HIPK2: variants seen among roughly 807,000 people sequenced by gnomAD.
The protein encoded by HIPK2 is homeodomain-interacting protein kinase 2.
Under a neutral mutation model 113.7 loss-of-function variants are expected in HIPK2, and 27 were observed. That is an observed-to-expected ratio of 0.24 (90% CI 0.17 to 0.33). The LOEUF is 0.33. Among genes scored for constraint, HIPK2 ranks in the 10% least tolerant of loss-of-function variants. The pLI is 1.00. For synonymous variants in HIPK2, 631 were observed against 642.2 expected (o/e 0.98, Z 0.26); for missense variants, 1,257 against 1,588.0 (o/e 0.79, Z 3.54).
rs569799591 is a variant in HIPK2, at chr7:139,761,490, A to T, written c.19+16115T>A. The stretch of plus-strand genomic sequence containing the variant: ...CACTGAATTAGCTCTGGTGAGATCT[A>T]GTCAAAAACAACTTGAATCCTGCAA... On this transcript the variant is annotated intron_variant, in intron 1 of 14. Transcript: ENST00000406875. Among the ~76,000 whole-genome samples, 5 of 152,344 alleles carry T rather than the reference A, an allele frequency of 3.3e-5. No individual in the cohort carries two copies. In the East Asian group the frequency reaches 9.6e-4, roughly 29 times the overall value.
At position 139,631,700 on chromosome 7, in the gene HIPK2, G is replaced by A; in HGVS notation, c.1129C>T (p.Pro377Ser). 1.9e-6 allele frequency: 3 copies of A among 1,613,908 alleles called. No individual in the cohort carries two copies. Among genetic ancestry groups the A allele is most frequent in the Non-Finnish European group, 2.5e-6 (3 of 1,179,826 alleles). Residue 377 changes from proline to serine, a missense_variant, in exon 3 of 15, where the codon CCA (proline) becomes TCA (serine). Transcript: ENST00000406875. The surrounding 1 kb of genome is among the most constrained non-coding windows in gnomAD (Gnocchi z 4.9). ...CACATGTCAATTGCCTCACAAAATG[G>A]TAAACCAAGGATGATCTCAGGGGCC... Reference protein sequence around the residue: ...YRAPEIILGLPFCEAIDMWSL... With the variant: ...YRAPEIILGLSFCEAIDMWSL...
intron 2 of HIPK2, among the ~76,000 whole-genome samples, chr7:139,639,892 T>C (rs1214910327): frequency 6.6e-6 from 1 of 152,198 alleles, no homozygotes; most frequent in East Asian, 1.9e-4. Context: ...TTTCAGAGTT[T>C]ACATGGTTTT....
rs369703798 is a variant in HIPK2, at chr7:139,661,177, C to T, written c.1104-29452G>A. Among the ~76,000 whole-genome samples, 4 of 152,320 alleles carry T rather than the reference C, an allele frequency of 2.6e-5. No individual in the cohort carries two copies. In the South Asian group the frequency reaches 8.3e-4, roughly 32 times the overall value. On this transcript the variant is annotated intron_variant, in intron 2 of 14. Transcript: ENST00000406875. The stretch of plus-strand genomic sequence containing the variant: ...CTTAAAAATCCTCATTATTTAACAA[C>T]CAGCTCCTGCAAGCTGGTATGAACT...
In HIPK2 at chr7:139,596,044, G is replaced by T. The variant is rs188557690; in HGVS notation, c.2717+673C>A. Among the ~76,000 whole-genome samples, 3 of 152,300 alleles carry T rather than the reference G, an allele frequency of 2.0e-5. No homozygotes were observed. In the East Asian group the frequency reaches 5.8e-4, roughly 29 times the overall value. ...CCAGGAGGCCAACTGTTCTAGAGGGGTTGCTCAGAACCTGAGCTGAGTGGC... is the reference window on the plus strand; with the variant it reads ...CCAGGAGGCCAACTGTTCTAGAGGGTTTGCTCAGAACCTGAGCTGAGTGGC... On this transcript the variant is annotated intron_variant, in intron 12 of 14. Coordinates refer to ENST00000406875, the MANE Select transcript of HIPK2 (RefSeq NM_022740.5).
intron 5 of HIPK2, 119 bp downstream of exon 5, chr7:139,628,834 G>C: frequency 1.2e-6 from 1 of 826,760 alleles, no homozygotes; most frequent in Non-Finnish European, 1.9e-6. Context: ...TAAGGTCAAG[G>C]TCAACCACTG....
intron 1 of HIPK2, among the ~76,000 whole-genome samples, chr7:139,735,112 G>C (rs1391712905): frequency 1.3e-5 from 2 of 152,172 alleles, no homozygotes; most frequent in Non-Finnish European, 2.9e-5. Flanking sequence ...GGGGGGAAGG[G>C]AATATTTGAT....
Position 139,598,147 on chromosome 7 carries a change from C to T in HIPK2, c.2436-1149G>A, listed in dbSNP as rs372134630. The stretch of plus-strand genomic sequence containing the variant: ...CATCATGTCAATCCTCAAAAAGTTC[C>T]GAATTTGGGACAATTTTGGAGTTCT... On this transcript the variant is annotated intron_variant, in intron 11 of 14. Coordinates refer to ENST00000406875, the MANE Select transcript of HIPK2 (RefSeq NM_022740.5). Among the ~76,000 whole-genome samples, 53 of 152,220 alleles carry T rather than the reference C, an allele frequency of 3.5e-4. No individual in the cohort carries two copies. The South Asian group carries it at 0.011, about 30-fold the overall frequency.
rs764002747 is a variant in HIPK2 at position 139,716,488 on chromosome 7, C to T, written c.547G>A (p.Asp183Asn). The change falls in exon 2 of 15, where the codon GAC becomes AAC. Residue 183 changes from aspartate to asparagine, a missense_variant. By Grantham distance (23) the Asp-to-Asn change is conservative. Coordinates refer to ENST00000406875, the MANE Select transcript of HIPK2 (RefSeq NM_022740.5). The surrounding 1 kb of genome is among the most constrained non-coding windows in gnomAD (Gnocchi z 9.3). ...ACCTCATGCTGCACCAGCTGATAGT[C>T]GCCCTCGCTGTTGGAGCCGCTGTTT... ...SKNSGSNSEGDYQLVQHEVLC... is the reference protein window; with the variant it reads ...SKNSGSNSEGNYQLVQHEVLC... 1 of 1,614,026 alleles carries T rather than the reference C, an allele frequency of 6.2e-7. No homozygotes were observed. Among genetic ancestry groups the T allele is most frequent in the Non-Finnish European group, 8.5e-7 (1 of 1,179,898 alleles).
In HIPK2 at chr7:139,644,424, C is replaced by T. The variant is rs762817472; in HGVS notation, c.1104-12699G>A. ...CTCAAGCCTGGGTATGGGTGCACATCGGTGTGGCAGCCCCCATGCCTCGCT... is the reference window on the plus strand; with the variant it reads ...CTCAAGCCTGGGTATGGGTGCACATTGGTGTGGCAGCCCCCATGCCTCGCT... On this transcript the variant is annotated intron_variant, in intron 2 of 14. Coordinates refer to ENST00000406875, the MANE Select transcript of HIPK2 (RefSeq NM_022740.5). Among the ~76,000 whole-genome samples, 178 of 152,322 alleles carry T rather than the reference C, an allele frequency of 1.2e-3. 1 individual carries two copies. The highest frequency in any genetic ancestry group is 1.7e-3 in the Non-Finnish European group (118 of 68,032).
At chr7:139,748,967 A>G (rs1012248606) in intron 1 of HIPK2, among the ~76,000 whole-genome samples, 2 of 152,216 alleles carry the variant, frequency 1.3e-5, no homozygotes, top group African/African-American at 4.8e-5. Flanking sequence ...GGCTATTTCC[A>G]TGATACACCA....
Position 139,613,335 on chromosome 7 carries a change from A to G in HIPK2, c.1991-12T>C, listed in dbSNP as rs767170468. 1.9e-6 allele frequency: 3 copies of G among 1,612,786 alleles called. No homozygotes were observed. In the East Asian group the frequency reaches 6.7e-5, roughly 36 times the overall value. ...AGAGGCCTGCAAGCCTGTTCCAGACAGTGTGAGGGAGAGAAGGGTTAGCTG... is the reference window on the plus strand; with the variant it reads ...AGAGGCCTGCAAGCCTGTTCCAGACGGTGTGAGGGAGAGAAGGGTTAGCTG... On this transcript the variant is annotated splice_polypyrimidine_tract_variant and intron_variant, in intron 8 of 14. Coordinates refer to ENST00000406875, the MANE Select transcript of HIPK2 (RefSeq NM_022740.5). The surrounding 1 kb of genome is among the most constrained non-coding windows in gnomAD (Gnocchi z 4.2).
chr7:139,591,180 G>T (rs1302684401), intron 12 of HIPK2, among the ~76,000 whole-genome samples: 1 of 152,174 alleles, frequency 6.6e-6, no homozygotes, highest in African/African-American at 2.4e-5. Context: ...GCATATTTAT[G>T]TCTATGTCTA....
At chr7:139,640,306 C>T (rs1441180375) in intron 2 of HIPK2, among the ~76,000 whole-genome samples, 2 of 152,230 alleles carry the variant, frequency 1.3e-5, no homozygotes, top group African/African-American at 4.8e-5. Context: ...TCCACTCGCT[C>T]TCTTGACTGC....
chr7:139,620,453 GACGTGC>G lies in HIPK2; in HGVS notation c.1724_1729del (p.Ser575_Ser577delinsThr). 2.5e-6 allele frequency: 4 copies of G among 1,613,996 alleles called. No homozygotes were observed. Among genetic ancestry groups the G allele is most frequent in the Non-Finnish European group, 3.4e-6 (4 of 1,179,914 alleles). ...GTTAAAGGTCATGGTCAGGTTGGTG[GACGTGC>G]TGGGGGCCACGTGCGTGATGAAAGG... On this transcript the variant is annotated inframe_deletion, in exon 7 of 15. Transcript: ENST00000406875.
At chr7:139,741,221 C>T (rs1280503955) in intron 1 of HIPK2, among the ~76,000 whole-genome samples, 1 of 152,154 alleles carries the variant, frequency 6.6e-6, no homozygotes, top group Admixed American at 6.5e-5. Context: ...AGGATTTCTG[C>T]AGAGAAGAGC....
At chr7:139,753,826 C>T (rs1292271090) in intron 1 of HIPK2, among the ~76,000 whole-genome samples, 1 of 152,210 alleles carries the variant, frequency 6.6e-6, no homozygotes, top group Non-Finnish European at 1.5e-5. Context: ...GTGAGCCTTT[C>T]CCTTTAATTA....
intron 2 of HIPK2, among the ~76,000 whole-genome samples, chr7:139,702,686 G>A (rs1226102088): frequency 6.6e-6 from 1 of 152,128 alleles, no homozygotes; most frequent in African/African-American, 2.4e-5. Flanking sequence ...GCAGGCCATG[G>A]GCGTAAATAA....
In HIPK2 at chr7:139,631,416, AAAAAGAAAAAGGG is replaced by A. The variant is rs1800612741; in HGVS notation, c.1228-145_1228-133del. 7 of 1,438,770 alleles carry A rather than the reference AAAAAGAAAAAGGG, an allele frequency of 4.9e-6. No individual in the cohort carries two copies. Among genetic ancestry groups the A allele is most frequent in the African/African-American group, 1.4e-5 (1 of 69,176 alleles). 89.1% of individuals were successfully genotyped at this position (1,438,770 alleles called of 1,614,324 possible). On this transcript the variant is annotated intron_variant, in intron 3 of 14. Coordinates refer to ENST00000406875, the MANE Select transcript of HIPK2 (RefSeq NM_022740.5). This position sits in a 1 kb window ranked among gnomAD's most constrained non-coding sequence, Gnocchi z 4.9. ...GGGAAAGAAGTTAACAAAAAAGAGA[AAAAAGAAAAAGGG>A]AAAAGAGAAAGGAATAAAGAAAAAA...
In HIPK2 at chr7:139,630,671, T is replaced by TAC. The variant is rs767998047; in HGVS notation, c.1347+492_1347+493dup. Among the ~76,000 whole-genome samples, 9 of 152,260 alleles carry TAC rather than the reference T, an allele frequency of 5.9e-5. No individual in the cohort carries two copies. Among genetic ancestry groups the TAC allele is most frequent in the Non-Finnish European group, 1.3e-4 (9 of 68,048 alleles). On this transcript the variant is annotated intron_variant, in intron 4 of 14. Transcript: ENST00000406875. The surrounding 1 kb of genome is among the most constrained non-coding windows in gnomAD (Gnocchi z 4.0). ...CCTCAGCCTCCCGAAGTGCTGGGAT[T>TAC]ACAGGCGTGAGCCACCACGCTCCCT...
Sources: allele counts gnomAD v4.1 joint callset (sites outside exome capture counted in the v4.1 genomes callset), GRCh38; gene constraint gnomAD v4.1.1; non-coding constraint Gnocchi (gnomAD v3.1); transcripts MANE v1.5; gene names NCBI Gene and HGNC (gene_info 2026-07-23, HGNC 2026-07-21).